SUGCT: variants seen among roughly 807,000 people sequenced by gnomAD.
SUGCT encodes the protein succinyl-CoA:glutarate-CoA transferase.
Under a neutral mutation model 55.0 loss-of-function variants are expected in SUGCT, and 41 were observed. The observed-to-expected ratio is 0.74, with a 90% CI of 0.58 to 0.97. SUGCT has a LOEUF of 0.97. Ranked by LOEUF, SUGCT falls within the 50% of genes least tolerant of loss-of-function variation. The pLI is 0.00. For missense variants in SUGCT, 568 were observed against 547.8 expected (o/e 1.04, Z -0.37); for synonymous variants, 187 against 200.4 (o/e 0.93, Z 0.56).
chr7:40,427,544 A>G (rs984576869), intron 9 of SUGCT, among the ~76,000 whole-genome samples: 1 of 152,168 alleles, frequency 6.6e-6, no homozygotes, highest in South Asian at 2.1e-4. Context: ...ATTATGAGCA[A>G]TGTTTGAACT....
the SUGCT span, among the ~76,000 whole-genome samples, chr7:41,023,913 G>C: frequency 6.6e-6 from 1 of 152,136 alleles, no homozygotes; most frequent in Non-Finnish European, 1.5e-5. Context: ...TTTTATGTCA[G>C]TGTGAATTGC....
chr7:40,443,354 T>A (rs1010565133), intron 9 of SUGCT, among the ~76,000 whole-genome samples: 3 of 152,202 alleles, frequency 2.0e-5, no homozygotes, highest in Non-Finnish European at 4.4e-5. Flanking sequence ...GTAAAAGTGC[T>A]CCTATTTCTC....
chr7:40,711,415 C>T (rs564260421), intron 12 of SUGCT, among the ~76,000 whole-genome samples: 2 of 152,014 alleles, frequency 1.3e-5, no homozygotes, highest in Admixed American at 6.5e-5. Flanking sequence ...GAGGCTGAAG[C>T]AGGAGAATCA....
chr7:40,930,863 G>A, the SUGCT span, among the ~76,000 whole-genome samples: 1 of 152,166 alleles, frequency 6.6e-6, no homozygotes, highest in Non-Finnish European at 1.5e-5. Context: ...CATGTCACTT[G>A]CAAACAGGGA....
chr7:40,609,194 G>A (rs763018362), intron 12 of SUGCT, among the ~76,000 whole-genome samples: 25 of 151,986 alleles, frequency 1.6e-4, no homozygotes, highest in Admixed American at 6.6e-4. Context: ...GTACATGATC[G>A]GATTATTGTG....
At chr7:40,319,397 T>G (rs1393170177) in intron 9 of SUGCT, among the ~76,000 whole-genome samples, 1 of 152,148 alleles carries the variant, frequency 6.6e-6, no homozygotes, top group Admixed American at 6.5e-5. Context: ...AATATTTTTG[T>G]GGGTGAATGC....
chr7:40,975,297 CAG>C, the SUGCT span, among the ~76,000 whole-genome samples: 1 of 152,298 alleles, frequency 6.6e-6, no homozygotes, highest in South Asian at 2.1e-4. Context: ...CTCACATGTA[CAG>C]AGTGTTCCTT....
rs550814774 is a variant in SUGCT at position 40,488,400 on chromosome 7, C to T, written c.987-7884C>T. On this transcript the variant is annotated intron_variant, in intron 11 of 13. Coordinates refer to ENST00000335693, the MANE Select transcript of SUGCT (RefSeq NM_001193313.2). ...TCTCCACATGTTGAATTTTTGATGT[C>T]ACAACATTCATCACATTACATTCCA... Among the ~76,000 whole-genome samples, 36 of 152,222 alleles carry T rather than the reference C, an allele frequency of 2.4e-4. No homozygotes were observed. The East Asian group carries it at 5.8e-3, about 24-fold the overall frequency.
the SUGCT span, among the ~76,000 whole-genome samples, chr7:40,914,609 G>A: frequency 6.6e-6 from 1 of 152,092 alleles, no homozygotes; most frequent in Non-Finnish European, 1.5e-5. Flanking sequence ...ATATGAAAAC[G>A]CTAGGCTGAG....
chr7:40,695,398 A>G (rs1412978826), intron 12 of SUGCT, among the ~76,000 whole-genome samples: 1 of 151,784 alleles, frequency 6.6e-6, no homozygotes, highest in Non-Finnish European at 1.5e-5. Flanking sequence ...AGGTTTTGCC[A>G]TGTTGCCCAG....
At chr7:40,939,814 C>T in the SUGCT span, among the ~76,000 whole-genome samples, 1 of 152,072 alleles carries the variant, frequency 6.6e-6, no homozygotes, top group Non-Finnish European at 1.5e-5. Flanking sequence ...CAAATATTTT[C>T]TCCCATTCTG....
At chr7:40,377,182 CTTTCTTTCTTTCTTTCTTTTCTTTTCT>C (rs1583550509) in intron 9 of SUGCT, among the ~76,000 whole-genome samples, 1 of 15,700 alleles carries the variant, frequency 6.4e-5, no homozygotes, top group East Asian at 1.6e-3. Flanking sequence ...TTCTTTCTTT[CTTTCTTTCTTTCTTTCTTTTCTTTTCT>C]TTTCTTTCTT....
intron 7 of SUGCT, among the ~76,000 whole-genome samples, chr7:40,254,551 A>G (rs7802356): frequency 0.81 from 122,104 of 151,436 alleles, 49,448 homozygotes; most frequent in East Asian, 0.97. Context: ...GTACCACCAC[A>G]CCCAGCTAAT....
chr7:40,422,196 G>T (rs1010330334), intron 9 of SUGCT, among the ~76,000 whole-genome samples: 3 of 151,668 alleles, frequency 2.0e-5, no homozygotes, highest in Non-Finnish European at 4.4e-5. Flanking sequence ...TGGGGGTGGG[G>T]TGGAATTCTG....
chr7:40,375,546 A>C (rs1031059286), intron 9 of SUGCT, among the ~76,000 whole-genome samples: 8 of 152,160 alleles, frequency 5.3e-5, no homozygotes, highest in Admixed American at 5.2e-4. Flanking sequence ...TTCTTCCCCA[A>C]CTGTCAGTGG....
intron 12 of SUGCT, among the ~76,000 whole-genome samples, chr7:40,698,865 C>T (rs1785053896): frequency 6.6e-6 from 1 of 152,146 alleles, no homozygotes; most frequent in African/African-American, 2.4e-5. Context: ...GATTTCTGGT[C>T]TGCTGAAAAG....
chr7:40,575,579 G>T (rs1053865593), intron 12 of SUGCT, among the ~76,000 whole-genome samples: 4 of 151,616 alleles, frequency 2.6e-5, no homozygotes, highest in African/African-American at 9.7e-5. Flanking sequence ...TTCATTAAGT[G>T]GCAGTATTTA....
intron 9 of SUGCT, among the ~76,000 whole-genome samples, chr7:40,327,202 G>C (rs1796064562): frequency 6.6e-6 from 1 of 152,174 alleles, no homozygotes. Context: ...ATTTGCCTTT[G>C]TGTATGCCTT....
intron 12 of SUGCT, among the ~76,000 whole-genome samples, chr7:40,698,490 C>T (rs1785036905): frequency 6.6e-6 from 1 of 152,200 alleles, no homozygotes. Context: ...GGTTAGACAT[C>T]CTCTTGTGGT....
Sources: allele counts gnomAD v4.1 joint callset (sites outside exome capture counted in the v4.1 genomes callset), GRCh38; gene constraint gnomAD v4.1.1; transcripts MANE v1.5; gene names NCBI Gene and HGNC (gene_info 2026-07-23, HGNC 2026-07-21).